Variants in HMGB1 observed in about 807,000 individuals in gnomAD.
The protein encoded by HMGB1 is high mobility group box 1.
For synonymous variants in HMGB1, 81 were observed against 84.0 expected (o/e 0.96, Z 0.19); for missense variants, 79 against 253.5 (o/e 0.31, Z 4.67).
intron 1 of HMGB1, among the ~76,000 whole-genome samples, chr13:30,570,295 A>T (rs559698739): frequency 3.0e-4 from 45 of 152,360 alleles, no homozygotes; most frequent in African/African-American, 9.9e-4. Flanking sequence ...TCTATTAAAA[A>T]TAAAGAAGAA....
At chr13:30,555,288 G>T (rs191448158) in intron 1 of HMGB1, among the ~76,000 whole-genome samples, 2 of 151,942 alleles carry the variant, frequency 1.3e-5, no homozygotes, top group African/African-American at 4.8e-5. Flanking sequence ...TGATCCGCCC[G>T]CCTCGGCCTC....
chr13:30,464,197 T>A, intron 1 of HMGB1: 4 of 984,810 alleles, frequency 4.1e-6, no homozygotes, highest in Non-Finnish European at 4.8e-6. Context: ...CCTCTTTGCA[T>A]AAAACTTTGC....
chr13:30,582,057 A>T (rs1361419578), intron 1 of HMGB1, among the ~76,000 whole-genome samples: 1 of 152,140 alleles, frequency 6.6e-6, no homozygotes, highest in Non-Finnish European at 1.5e-5. Context: ...CTAAAAGTGA[A>T]CTCAGCATCA....
At chr13:30,542,813 C>G (rs897126935) in intron 1 of HMGB1, 1 of 164,140 alleles carries the variant, frequency 6.1e-6, no homozygotes, top group Non-Finnish European at 1.3e-5. Flanking sequence ...CTGTGGAAGT[C>G]TCCCATTTCT....
chr13:30,582,817 TC>T (rs1870963075), intron 1 of HMGB1, among the ~76,000 whole-genome samples: 2 of 152,146 alleles, frequency 1.3e-5, no homozygotes, highest in South Asian at 2.1e-4. Context: ...TTCCCTTACA[TC>T]CCATATGCAA....
At chr13:30,485,677 A>G (rs1213119126) in intron 1 of HMGB1, among the ~76,000 whole-genome samples, 1 of 152,282 alleles carries the variant, frequency 6.6e-6, no homozygotes, top group Non-Finnish European at 1.5e-5. Context: ...CATGAGGAAG[A>G]TAAGTCATGA....
At chr13:30,535,814 C>T (rs1448128553) in intron 1 of HMGB1, among the ~76,000 whole-genome samples, 1 of 152,198 alleles carries the variant, frequency 6.6e-6, no homozygotes, top group African/African-American at 2.4e-5. Context: ...CACTTGAACC[C>T]AGGAGGCAGA....
At chr13:30,544,600 C>T (rs1376235403) in intron 1 of HMGB1, among the ~76,000 whole-genome samples, 2 of 152,182 alleles carry the variant, frequency 1.3e-5, no homozygotes, top group African/African-American at 4.8e-5. Flanking sequence ...GAACGTGGTG[C>T]CCCTGAAAAG....
rs377659562 is a variant in HMGB1, at chr13:30,560,716, G to T, written c.-15+55955C>A. On this transcript the variant is annotated intron_variant, in intron 1 of 4. Transcript: ENST00000405805. ...CTAGGACAGAGAATAAAGAAGAAAG[G>T]ATAGGTTCCCATGGAGATAAATTTC... 2.6e-3 allele frequency among the ~76,000 whole-genome samples: 395 copies of T among 152,286 alleles called. 5 individuals carry two copies. Among genetic ancestry groups the T allele is most frequent in the South Asian group, 0.023 (109 of 4,824 alleles).
intron 1 of HMGB1, among the ~76,000 whole-genome samples, chr13:30,566,991 G>A (rs1003001979): frequency 1.6e-4 from 24 of 152,310 alleles, no homozygotes; most frequent in African/African-American, 5.3e-4. Context: ...AAAAATTTGT[G>A]CAATACTCAC....
At chr13:30,550,597 T>G (rs1264018134) in intron 1 of HMGB1, among the ~76,000 whole-genome samples, 1 of 152,192 alleles carries the variant, frequency 6.6e-6, no homozygotes. Flanking sequence ...CCAGAGGAAC[T>G]GCTCCCATGC....
chr13:30,563,919 T>C (rs1219518796), intron 1 of HMGB1, among the ~76,000 whole-genome samples: 1 of 152,216 alleles, frequency 6.6e-6, no homozygotes, highest in Non-Finnish European at 1.5e-5. Context: ...TTTATAACTG[T>C]GTTCTTTAAT....
chr13:30,553,940 T>C, intron 1 of HMGB1: 1 of 1,463,678 alleles, frequency 6.8e-7, no homozygotes, highest in Non-Finnish European at 9.6e-7. Flanking sequence ...CGGGTCCACT[T>C]CCTAACATGT....
At chr13:30,462,417 T>G in intron 4 of HMGB1, 121 bp downstream of exon 4, 1 of 838,746 alleles carries the variant, frequency 1.2e-6, no homozygotes, top group Non-Finnish European at 2.1e-6. Context: ...GGATGAGGAC[T>G]TATATCAACA....
At chr13:30,556,191 G>C (rs1003345985) in intron 1 of HMGB1, among the ~76,000 whole-genome samples, 25 of 152,214 alleles carry the variant, frequency 1.6e-4, no homozygotes, top group African/African-American at 5.3e-4. Flanking sequence ...GATCACCTGA[G>C]ACTGGGAGTT....
chr13:30,471,386 T>C (rs1886924560), intron 1 of HMGB1, among the ~76,000 whole-genome samples: 1 of 152,152 alleles, frequency 6.6e-6, no homozygotes, highest in African/African-American at 2.4e-5. Flanking sequence ...TCACTCTTGT[T>C]GCCTATGCTG....
chr13:30,478,287 T>C (rs1887145326), intron 1 of HMGB1, among the ~76,000 whole-genome samples: 1 of 152,172 alleles, frequency 6.6e-6, no homozygotes, highest in Admixed American at 6.5e-5. Flanking sequence ...CAGTGAGCTG[T>C]CATTGTACCT....
At chr13:30,537,673 A>C (rs866205562) in intron 1 of HMGB1, among the ~76,000 whole-genome samples, 10,208 of 127,216 alleles carry the variant, frequency 0.08, 644 homozygotes, top group Middle Eastern at 0.15. Flanking sequence ...ATATATATAT[A>C]TATATATATA....
intron 1 of HMGB1, among the ~76,000 whole-genome samples, chr13:30,584,991 C>G (rs768482713): frequency 1.7e-4 from 26 of 151,974 alleles, no homozygotes; most frequent in Non-Finnish European, 3.1e-4. Context: ...CTATAAAAAA[C>G]ACAAAAATTA....
Sources: allele counts gnomAD v4.1 joint callset (sites outside exome capture counted in the v4.1 genomes callset), GRCh38; gene constraint gnomAD v4.1.1; transcripts MANE v1.5; gene names NCBI Gene and HGNC (gene_info 2026-07-23, HGNC 2026-07-21).